Variants in HMGB1 observed in about 807,000 individuals in gnomAD.
HMGB1 encodes the protein high mobility group protein B1.
For missense variants in HMGB1, 79 were observed against 253.5 expected (o/e 0.31, Z 4.67); for synonymous variants, 81 against 84.0 (o/e 0.96, Z 0.19).
intron 1 of HMGB1, among the ~76,000 whole-genome samples, chr13:30,496,824 C>T (rs1047503605): frequency 5.9e-5 from 9 of 152,084 alleles, no homozygotes; most frequent in Admixed American, 2.0e-4. Context: ...AGGCTGGTGG[C>T]TATTTACTCT....
At chr13:30,551,932 C>T (rs150036883) in intron 1 of HMGB1, among the ~76,000 whole-genome samples, 82 of 152,196 alleles carry the variant, frequency 5.4e-4, no homozygotes, top group Non-Finnish European at 9.7e-4. Context: ...TGGTCTCAAA[C>T]GATCCTCCTG....
At chr13:30,611,768 A>G (rs1362302110) in intron 1 of HMGB1, among the ~76,000 whole-genome samples, 2 of 152,070 alleles carry the variant, frequency 1.3e-5, no homozygotes, top group Admixed American at 1.3e-4. Flanking sequence ...CATTAAATAC[A>G]AGCTTTTTGG....
At chr13:30,511,280 A>T (rs1386322557) in intron 1 of HMGB1, among the ~76,000 whole-genome samples, 1 of 152,090 alleles carries the variant, frequency 6.6e-6, no homozygotes, top group East Asian at 1.9e-4. Flanking sequence ...GTCATCCCCA[A>T]CGCTGGAGGC....
chr13:30,609,255 G>A (rs180956675), intron 1 of HMGB1, among the ~76,000 whole-genome samples: 64 of 152,212 alleles, frequency 4.2e-4, no homozygotes, highest in Non-Finnish European at 7.1e-4. Flanking sequence ...GCCAGACTCC[G>A]TCTCAAAAAA....
chr13:30,544,307 C>T (rs1397087627), intron 1 of HMGB1, among the ~76,000 whole-genome samples: 2 of 152,206 alleles, frequency 1.3e-5, no homozygotes, highest in Non-Finnish European at 2.9e-5. Flanking sequence ...AACGGCCAGA[C>T]CAATAAGGGT....
At chr13:30,477,472 G>A (rs1887124865) in intron 1 of HMGB1, among the ~76,000 whole-genome samples, 1 of 152,102 alleles carries the variant, frequency 6.6e-6, no homozygotes, top group African/African-American at 2.4e-5. Flanking sequence ...GGGAGATGCC[G>A]AGCACCCAGA....
rs1375784754 is a variant in HMGB1 at position 30,458,838 on chromosome 13, A to G, written c.*2519T>C. 2 of 152,240 alleles carry G rather than the reference A, an allele frequency of 1.3e-5. No individual in the cohort carries two copies. The highest frequency in any genetic ancestry group is 4.1e-4 in the South Asian group (2 of 4,838). 9.4% of individuals were successfully genotyped at this position (152,240 alleles called of 1,614,324 possible). A position where few individuals can be genotyped will look rare whatever the true frequency, so the allele number is the denominator to read the frequency against. ...CTTTAAGAAAATTAATAAATACAGC[A>G]AACATTAACAACACTGTGATGGGAC... On this transcript the variant is annotated 3_prime_UTR_variant, in exon 5 of 5. Transcript: ENST00000341423.
chr13:30,534,454 A>T (rs1330905540), intron 1 of HMGB1, among the ~76,000 whole-genome samples: 1 of 152,010 alleles, frequency 6.6e-6, no homozygotes, highest in Admixed American at 6.6e-5. Context: ...TTTTTTCCCC[A>T]CACATATTTA....
At chr13:30,494,043 G>C (rs1887557348) in intron 1 of HMGB1, among the ~76,000 whole-genome samples, 1 of 151,858 alleles carries the variant, frequency 6.6e-6, no homozygotes, top group South Asian at 2.1e-4. Flanking sequence ...TTAAATAGGT[G>C]CAATTTATTG....
chr13:30,599,255 G>A (rs948137464), intron 1 of HMGB1, among the ~76,000 whole-genome samples: 1 of 152,166 alleles, frequency 6.6e-6, no homozygotes, highest in African/African-American at 2.4e-5. Context: ...GATCACCTGA[G>A]GTCAGGAGTT....
chr13:30,589,291 C>T (rs1341131154), intron 1 of HMGB1, among the ~76,000 whole-genome samples: 2 of 152,100 alleles, frequency 1.3e-5, no homozygotes, highest in African/African-American at 4.8e-5. Context: ...AGGCGTGAAC[C>T]ACCGCGCCCG....
chr13:30,530,645 TC>T (rs1888473902), intron 1 of HMGB1, among the ~76,000 whole-genome samples: 1 of 152,224 alleles, frequency 6.6e-6, no homozygotes, highest in African/African-American at 2.4e-5. Flanking sequence ...ATAAATTACA[TC>T]TACAAAGTAG....
chr13:30,554,108 T>C (rs1250557835), intron 1 of HMGB1: 1 of 1,280,972 alleles, frequency 7.8e-7, no homozygotes, highest in African/African-American at 1.5e-5. Flanking sequence ...TGAAGCTCTT[T>C]CAGAAGATGT....
At position 30,548,222 on chromosome 13, in the gene HMGB1, T is replaced by C. The variant is rs141060379; in HGVS notation, c.-15+68449A>G. Among the ~76,000 whole-genome samples the C allele has an allele frequency of 9.8e-4, 149 of 152,282 alleles. 1 individual carries two copies. The highest frequency in any genetic ancestry group is 3.4e-3 in the African/African-American group (141 of 41,552). On this transcript the variant is annotated intron_variant, in intron 1 of 4. Coordinates refer to the HMGB1 transcript ENST00000405805. ...GGTTACCCTCATGCTGTTCTTGTGA[T>C]ACTGAGTGAATTCTCATGAGATCTG...
chr13:30,571,936 T>G (rs1870452728), intron 1 of HMGB1, among the ~76,000 whole-genome samples: 1 of 152,212 alleles, frequency 6.6e-6, no homozygotes, highest in Admixed American at 6.5e-5. Context: ...GTAAATTTGG[T>G]GTATGATAAA....
intron 1 of HMGB1, among the ~76,000 whole-genome samples, chr13:30,592,800 T>C (rs1452942086): frequency 6.6e-6 from 1 of 151,908 alleles, no homozygotes; most frequent in Admixed American, 6.6e-5. Flanking sequence ...TTTAAAATAA[T>C]TTTACTATTT....
intron 1 of HMGB1, among the ~76,000 whole-genome samples, chr13:30,552,690 T>G (rs925068237): frequency 6.6e-6 from 1 of 152,280 alleles, no homozygotes; most frequent in African/African-American, 2.4e-5. Flanking sequence ...CAGCATTCGT[T>G]GGTGACTGAA....
chr13:30,491,703 A>G (rs1171200629), intron 1 of HMGB1, among the ~76,000 whole-genome samples: 2 of 152,096 alleles, frequency 1.3e-5, no homozygotes, highest in African/African-American at 2.4e-5. Context: ...TTTGACTTTT[A>G]CATCATGCTA....
intron 1 of HMGB1, among the ~76,000 whole-genome samples, chr13:30,493,135 T>C (rs557854970): frequency 2.0e-5 from 3 of 152,268 alleles, no homozygotes; most frequent in African/African-American, 7.2e-5. Context: ...GTAGGTTTAT[T>C]TGTAATAGTT....
Sources: gnomAD v4.1 joint callset for allele counts (sites outside exome capture counted in the v4.1 genomes callset) on GRCh38, gnomAD v4.1.1 for gene constraint, MANE v1.5 for transcripts, NCBI Gene and HGNC (gene_info 2026-07-23, HGNC 2026-07-21) for gene names.